The following PHAX variants were observed in gnomAD, a reference collection of about 807,000 sequenced individuals.
The protein encoded by PHAX is phosphorylated adaptor for RNA export, also known as phosphorylated adapter RNA export protein.
In PHAX, 31 loss-of-function variants were observed where a neutral mutation model predicts 41.6. The observed-to-expected ratio is 0.75, with a 90% CI of 0.56 to 1.01. The LOEUF is 1.01. Among genes scored for constraint, PHAX ranks in the 50% least tolerant of loss-of-function variants. The pLI, the probability that PHAX is intolerant of heterozygous loss-of-function variation, is 0.00. For synonymous variants in PHAX, 175 were observed against 164.9 expected (o/e 1.06, Z -0.47); for missense variants, 453 against 472.9 (o/e 0.96, Z 0.39).
At chr5:126,606,296 A>T (rs1234669349) in intron 2 of PHAX, among the ~76,000 whole-genome samples, 1 of 151,978 alleles carries the variant, frequency 6.6e-6, no homozygotes. Context: ...CCTGGGTTCA[A>T]GCAATTCTCA....
intron 2 of PHAX, among the ~76,000 whole-genome samples, chr5:126,604,984 A>G (rs1751967164): frequency 1.3e-5 from 2 of 151,676 alleles, no homozygotes; most frequent in South Asian, 4.2e-4. Context: ...CAGTGAGCCG[A>G]GATTGTGCCA....
At chr5:126,611,251 T>C (rs1169551431) in intron 3 of PHAX, among the ~76,000 whole-genome samples, 1 of 152,026 alleles carries the variant, frequency 6.6e-6, no homozygotes, top group Non-Finnish European at 1.5e-5. Flanking sequence ...ACAGGGTTTC[T>C]CCATGTTGAG....
chr5:126,617,527 G>A (rs2112836309), intron 4 of PHAX, among the ~76,000 whole-genome samples, 194 bp downstream of exon 4: 1 of 152,234 alleles, frequency 6.6e-6, no homozygotes. Flanking sequence ...CACCCAGGCT[G>A]GAGTGTAGTG....
chr5:126,608,924 C>T (rs529778131), intron 3 of PHAX, among the ~76,000 whole-genome samples: 1 of 141,282 alleles, frequency 7.1e-6, no homozygotes, highest in Non-Finnish European at 1.5e-5. Flanking sequence ...GCAACAGGAG[C>T]GAAACTCCGT....
chr5:126,617,362 G>A (rs371131850), intron 4 of PHAX, 29 bp downstream of exon 4: 59 of 1,375,830 alleles, frequency 4.3e-5, no homozygotes, highest in Non-Finnish European at 5.0e-5. Context: ...CCTCTTAAGC[G>A]CCATCATAAT....
intron 1 of PHAX, among the ~76,000 whole-genome samples, chr5:126,603,023 T>A (rs1428751432): frequency 8.1e-4 from 90 of 111,736 alleles, no homozygotes; most frequent in African/African-American, 3.2e-3. Context: ...AAAAAAAAAA[T>A]ACATGCCCAG....
intron 3 of PHAX, among the ~76,000 whole-genome samples, chr5:126,609,838 C>G (rs1752053598): frequency 6.6e-6 from 1 of 152,102 alleles, no homozygotes; most frequent in Admixed American, 6.6e-5. Flanking sequence ...CTCCCGAGTT[C>G]AAGCAATTCC....
chr5:126,624,920 C>T lies in PHAX; in HGVS notation c.*76C>T, dbSNP rs945024105. 46 of 1,276,116 alleles carry T rather than the reference C, an allele frequency of 3.6e-5. No individual in the cohort carries two copies. In the Middle Eastern group the frequency reaches 5.8e-4, roughly 16 times the overall value. The allele number at this position is 1,276,116 out of a possible 1,614,324, so 79.0% of individuals were successfully genotyped here. ...TAAACCATTTTTACTGAGATTGCAA[C>T]GTTTTGCACTGATAAACATGAGAAT... is the stretch of plus-strand genomic sequence containing the variant. On this transcript the variant is annotated 3_prime_UTR_variant, in exon 5 of 5. Transcript: ENST00000297540.
chr5:126,604,141 C>T lies in PHAX; in HGVS notation c.668C>T (p.Ala223Val), dbSNP rs778195369. Reference sequence around the variant, plus strand: ...TATAAAGGTCGATACGAGATCACAGCGGAAGATTCTCAAGAGAAAGTGGCT... The same window carrying T: ...TATAAAGGTCGATACGAGATCACAGTGGAAGATTCTCAAGAGAAAGTGGCT... ...MNYKGRYEIT[A>V]EDSQEKVADE... is the part of the protein sequence containing the mutation. Residue 223 changes from alanine (A) to valine (V), a missense_variant, in exon 2 of 5, where the codon GCG becomes GTG. Transcript: ENST00000297540. The T allele has an allele frequency of 1.3e-5, 20 of 1,557,184 alleles. No individual in the cohort carries two copies. Among genetic ancestry groups the T allele is most frequent in the Admixed American group, 1.0e-4 (5 of 48,334 alleles).
chr5:126,623,658 T>C (rs1251562159), intron 4 of PHAX, among the ~76,000 whole-genome samples: 3 of 152,200 alleles, frequency 2.0e-5, no homozygotes, highest in African/African-American at 7.2e-5. Context: ...TACCTCTTCA[T>C]TTCAAAGATC....
Position 126,608,377 on chromosome 5 carries a change from A to G in PHAX, c.724A>G (p.Lys242Glu). ...DEISFRLQEP[K>E]KDLIARVVRI... is the part of the protein sequence containing the mutation. ...GTTTCTCATCAGGTTACAGGAACCA[A>G]AGAAAGACCTGATAGCCCGAGTAGT... The change falls in exon 3 of 5, where the codon AAG (lysine) becomes GAG (glutamate). Residue 242 changes from lysine (K) to glutamate (E), a missense_variant. Transcript: ENST00000297540. 6.2e-7 allele frequency: 1 copy of G among 1,613,710 alleles called. No individual in the cohort carries two copies. The highest frequency in any genetic ancestry group is 8.5e-7 in the Non-Finnish European group (1 of 1,179,702).
intron 4 of PHAX, among the ~76,000 whole-genome samples, chr5:126,620,593 C>T (rs536188077): frequency 2.0e-5 from 3 of 152,240 alleles, no homozygotes; most frequent in African/African-American, 7.2e-5. Context: ...CTTTGTAATT[C>T]AGTTATTCCA....
rs1291718391 is a variant in PHAX at position 126,626,802 on chromosome 5, T to C, written c.*1958T>C. 6.6e-6 allele frequency: 1 copy of C among 151,430 alleles called. No homozygotes were observed. The highest frequency in any genetic ancestry group is 2.4e-5 in the African/African-American group (1 of 41,092). 9.4% of individuals were successfully genotyped at this position (151,430 alleles called of 1,614,324 possible). ...GGTGCATGCCTGTAATCTCAGCTATTTGGGAGGCCGAGGCAGGAGAATCAC... is the reference window on the plus strand; with the variant it reads ...GGTGCATGCCTGTAATCTCAGCTATCTGGGAGGCCGAGGCAGGAGAATCAC... On this transcript the variant is annotated 3_prime_UTR_variant, in exon 5 of 5. Transcript: ENST00000297540.
chr5:126,614,979 C>T (rs1752161575), intron 3 of PHAX, among the ~76,000 whole-genome samples: 1 of 152,062 alleles, frequency 6.6e-6, no homozygotes, highest in African/African-American at 2.4e-5. Flanking sequence ...TCTCAAACTC[C>T]TGACCTCATG....
chr5:126,610,045 T>C (rs1474750444), intron 3 of PHAX, among the ~76,000 whole-genome samples: 2 of 152,216 alleles, frequency 1.3e-5, no homozygotes. Context: ...TCAACACTTT[T>C]GTTATGTAAG....
intron 4 of PHAX, among the ~76,000 whole-genome samples, chr5:126,620,271 T>G (rs1307001516): frequency 6.6e-6 from 1 of 152,206 alleles, no homozygotes; most frequent in Non-Finnish European, 1.5e-5. Flanking sequence ...TGTTGAGTGG[T>G]AGCAAAGATT....
intron 3 of PHAX, among the ~76,000 whole-genome samples, chr5:126,611,353 C>T (rs928886312): frequency 6.6e-6 from 1 of 152,242 alleles, no homozygotes; most frequent in African/African-American, 2.4e-5. Flanking sequence ...CACGCCCGGC[C>T]TCCAAATTTA....
At chr5:126,618,670 G>GTT (rs1310062519) in intron 4 of PHAX, among the ~76,000 whole-genome samples, 75 of 120,334 alleles carry the variant, frequency 6.2e-4, no homozygotes, top group African/African-American at 2.3e-3. Flanking sequence ...TTTAAAAACT[G>GTT]TTTTTTTTTT....
chr5:126,620,770 C>T (rs1166001597), intron 4 of PHAX, among the ~76,000 whole-genome samples: 2 of 152,032 alleles, frequency 1.3e-5, no homozygotes, highest in Non-Finnish European at 2.9e-5. Context: ...GACAGAGTCT[C>T]ACTCTGTCCC....
Sources: gnomAD v4.1 joint callset for allele counts (sites outside exome capture counted in the v4.1 genomes callset) on GRCh38, gnomAD v4.1.1 for gene constraint, MANE v1.5 for transcripts, NCBI Gene and HGNC (gene_info 2026-07-23, HGNC 2026-07-21) for gene names.